Variants in ZRANB3 observed in about 807,000 individuals in gnomAD.
The protein encoded by ZRANB3 is DNA annealing helicase and endonuclease ZRANB3.
A neutral mutation model predicts 133.8 loss-of-function variants in ZRANB3; 125 were observed. The observed-to-expected ratio is 0.93, with a 90% CI of 0.81 to 1.08. The LOEUF is 1.08. Ranked by LOEUF, ZRANB3 falls within the 50% of genes least tolerant of loss-of-function variation. The pLI, the probability that ZRANB3 is intolerant of heterozygous loss-of-function variation, is 0.00. For synonymous variants in ZRANB3, 387 were observed against 432.7 expected, an observed-to-expected ratio of 0.89 and a Z score of 1.31; for missense variants, 1,229 against 1,275.5, an observed-to-expected ratio of 0.96 and a Z score of 0.56.
chr2:135,523,303 C>G (rs1463036844), intron 1 of ZRANB3, among the ~76,000 whole-genome samples: 1 of 152,200 alleles, frequency 6.6e-6, no homozygotes, highest in Non-Finnish European at 1.5e-5. Context: ...AAATCCAAGC[C>G]ATCATCACCG....
At chr2:135,380,532 T>G (rs538189280) in intron 3 of ZRANB3, among the ~76,000 whole-genome samples, 1 of 152,234 alleles carries the variant, frequency 6.6e-6, no homozygotes, top group South Asian at 2.1e-4. Flanking sequence ...CACAACTACA[T>G]GGAAACTGAA....
At chr2:135,305,835 G>A (rs978951053) in intron 8 of ZRANB3, among the ~76,000 whole-genome samples, 1 of 152,070 alleles carries the variant, frequency 6.6e-6, no homozygotes, top group African/African-American at 2.4e-5. Flanking sequence ...ACTTTTGAAG[G>A]ATAGCTTTGT....
At position 135,265,671 on chromosome 2, in the gene ZRANB3, T is replaced by C. The variant is rs1680204090; in HGVS notation, c.1402A>G (p.Ser468Gly). 6.2e-7 allele frequency: 1 copy of C among 1,612,968 alleles called. No individual in the cohort carries two copies. The highest frequency in any genetic ancestry group is 1.3e-5 in the African/African-American group (1 of 74,890). The change falls in exon 12 of 21, where the codon AGC (serine) becomes GGC (glycine). Residue 468 changes from serine (S) to glycine (G), a missense_variant. Coordinates refer to ENST00000264159, the MANE Select transcript of ZRANB3 (RefSeq NM_032143.4). ...MLNRKAQVTG[S>G]TLNGRKEKIQ... Reference sequence around the variant, plus strand: ...TTTTCTTTCCTACCGTTCAGTGTGCTCCCTGTAACTTGAGCCTACAAGAGG... The same window carrying C: ...TTTTCTTTCCTACCGTTCAGTGTGCCCCCTGTAACTTGAGCCTACAAGAGG...
rs1688826352 is a variant in ZRANB3 at position 135,421,115 on chromosome 2, T to C, written c.162-30295A>G. On this transcript the variant is annotated intron_variant, in intron 2 of 20. Transcript: ENST00000264159. The stretch of plus-strand genomic sequence containing the variant: ...CCACTCTGAAATGAAAAGCTGCTTT[T>C]TGAAGTCTGCAGTCAAGCTGGATAA... Among the ~76,000 whole-genome samples, 3 of 152,166 alleles carry C rather than the reference T, an allele frequency of 2.0e-5. 1 individual carries two copies. In the South Asian group the frequency reaches 6.2e-4, roughly 31 times the overall value.
intron 2 of ZRANB3, among the ~76,000 whole-genome samples, chr2:135,407,480 T>C (rs1252439379): frequency 2.0e-5 from 3 of 148,638 alleles, no homozygotes; most frequent in Non-Finnish European, 4.4e-5. Flanking sequence ...TACTTTAAAG[T>C]TCATATGGAA....
rs774890702 is a variant in ZRANB3, at chr2:135,269,050, C to A, written c.1298G>T (p.Arg433Ile). The A allele has an allele frequency of 6.2e-7, 1 of 1,613,260 alleles. No homozygotes were observed. The highest frequency in any genetic ancestry group is 8.5e-7 in the Non-Finnish European group (1 of 1,179,748). Residue 433 changes from arginine (R) to isoleucine (I), a missense_variant, in exon 11 of 21, where the codon AGA becomes ATA. Arg to Ile is a moderately conservative substitution (Grantham distance 97, BLOSUM62 -3). Transcript: ENST00000264159. ...HIKQAEDRAHRIGQCSSVNIH... is the reference protein window; with the variant it reads ...HIKQAEDRAHIIGQCSSVNIH... ...ATTCACAGAACTGCACTGGCCAATT[C>A]TGTGAGCTCGGTCTTCTGCTTGTTT...
chr2:135,241,584 T>A (rs1439836851), intron 12 of ZRANB3, among the ~76,000 whole-genome samples: 1 of 151,930 alleles, frequency 6.6e-6, no homozygotes, highest in Non-Finnish European at 1.5e-5. Context: ...AATGGGAGGG[T>A]TTCCTGGGAA....
intron 1 of ZRANB3, among the ~76,000 whole-genome samples, chr2:135,509,894 A>G (rs1298509127): frequency 6.6e-6 from 1 of 152,214 alleles, no homozygotes; most frequent in African/African-American, 2.4e-5. Flanking sequence ...ACCAGTGAGA[A>G]TCAAAATTGT....
chr2:135,226,576 C>A (rs1694768194), intron 14 of ZRANB3, among the ~76,000 whole-genome samples: 1 of 152,082 alleles, frequency 6.6e-6, no homozygotes, highest in Non-Finnish European at 1.5e-5. Context: ...ACTGGCAGAA[C>A]AAAACTTCAA....
chr2:135,200,420 CT>C lies in ZRANB3; in HGVS notation c.3161del (p.Lys1054ArgfsTer6). The C allele has an allele frequency of 6.2e-7, 1 of 1,604,938 alleles. No individual in the cohort carries two copies. The highest frequency in any genetic ancestry group is 8.5e-7 in the Non-Finnish European group (1 of 1,175,320). On this transcript the variant is annotated frameshift_variant, in exon 21 of 21. Coordinates refer to ENST00000264159, the MANE Select transcript of ZRANB3 (RefSeq NM_032143.4). LOFTEE classifies it high-confidence loss of function. ...ATTGTCTTCTCACCTGGCTTCTTTC[CT>C]TAGCTTGTCTGGCAGTTCTCTAAAA... Reference protein sequence around the residue: ...CHKERTARQAKERSQVRRQSL... With the variant: ...CHKERTARQAXERSQVRRQSL...
At chr2:135,466,085 A>G (rs531633959) in intron 2 of ZRANB3, among the ~76,000 whole-genome samples, 1 of 152,314 alleles carries the variant, frequency 6.6e-6, no homozygotes, top group African/African-American at 2.4e-5. Context: ...AAAACACAAT[A>G]TATGAAGAAT....
chr2:135,294,798 C>T (rs1681954127), intron 8 of ZRANB3, among the ~76,000 whole-genome samples: 1 of 152,044 alleles, frequency 6.6e-6, no homozygotes, highest in Admixed American at 6.6e-5. Context: ...TATGTTGTGT[C>T]TTTGTTCTCG....
intron 6 of ZRANB3, among the ~76,000 whole-genome samples, chr2:135,338,809 T>C (rs1455126070): frequency 6.6e-6 from 1 of 152,246 alleles, no homozygotes. Context: ...TGTATGTGTA[T>C]ATCTATATGT....
intron 17 of ZRANB3, among the ~76,000 whole-genome samples, chr2:135,212,117 T>C (rs1387170238): frequency 6.6e-6 from 1 of 152,212 alleles, no homozygotes; most frequent in East Asian, 1.9e-4. Flanking sequence ...GGGGAATATC[T>C]TTTCACATGT....
At chr2:135,208,091 C>T (rs1207045423) in intron 18 of ZRANB3, among the ~76,000 whole-genome samples, 2 of 152,090 alleles carry the variant, frequency 1.3e-5, no homozygotes, top group Non-Finnish European at 2.9e-5. Flanking sequence ...TTGTGTTAAA[C>T]GATCTGGAAA....
chr2:135,495,881 A>T (rs1465753095), intron 2 of ZRANB3, among the ~76,000 whole-genome samples: 1 of 152,144 alleles, frequency 6.6e-6, no homozygotes, highest in Non-Finnish European at 1.5e-5. Flanking sequence ...TATTAAATTA[A>T]ATTATACTTA....
intron 12 of ZRANB3, among the ~76,000 whole-genome samples, chr2:135,256,085 T>G (rs1292891374): frequency 6.6e-6 from 1 of 151,950 alleles, no homozygotes; most frequent in Non-Finnish European, 1.5e-5. Context: ...CACCTGATTT[T>G]TGTATTTTTT....
chr2:135,258,916 A>AT (rs1476051765), intron 12 of ZRANB3, among the ~76,000 whole-genome samples: 1 of 152,304 alleles, frequency 6.6e-6, no homozygotes, highest in South Asian at 2.1e-4. Flanking sequence ...AAAAAAGTTT[A>AT]TTTTTTGTAT....
At chr2:135,218,683 A>G (rs1235468091) in intron 16 of ZRANB3, among the ~76,000 whole-genome samples, 1 of 152,210 alleles carries the variant, frequency 6.6e-6, no homozygotes, top group South Asian at 2.1e-4. Flanking sequence ...GCTTCTGATA[A>G]TGAATCAAGA....
Sources: allele counts gnomAD v4.1 joint callset (sites outside exome capture counted in the v4.1 genomes callset), GRCh38; gene constraint gnomAD v4.1.1; transcripts MANE v1.5; gene names NCBI Gene and HGNC (gene_info 2026-07-23, HGNC 2026-07-21).